ZNG1A: variants seen among roughly 807,000 people sequenced by gnomAD.
ZNG1A encodes the protein Zn regulated GTPase metalloprotein activator 1A.
At chr9:158,534 T>TG in the ZNG1A span, among the ~76,000 whole-genome samples, 2 of 150,226 alleles carry the variant, frequency 1.3e-5, 1 homozygote, top group African/African-American at 5.0e-5. Context: ...ATTACAGATT[T>TG]ATTTTTGCAT....
At chr9:147,951 G>T in the ZNG1A span, 1 of 151,598 alleles carries the variant, frequency 6.6e-6, no homozygotes, top group South Asian at 2.1e-4. Flanking sequence ...CCTGAACCCA[G>T]GAGGCAGAGG....
chr9:125,097 G>A, the ZNG1A span, among the ~76,000 whole-genome samples: 2,563 of 152,204 alleles, frequency 0.017, 53 homozygotes, highest in African/African-American at 0.058. Context: ...TGGACCAAAT[G>A]GTAGTTCTAC....
the ZNG1A span, among the ~76,000 whole-genome samples, chr9:128,511 T>A: frequency 6.7e-6 from 1 of 148,956 alleles, no homozygotes; most frequent in Non-Finnish European, 1.5e-5. Context: ...TATAAGTATG[T>A]CCATTATTTC....
chr9:161,683 G>T, the ZNG1A span: 1 of 1,101,936 alleles, frequency 9.1e-7, no homozygotes, highest in Non-Finnish European at 1.2e-6. Context: ...TCATTTTACT[G>T]TATGTAACAA....
the ZNG1A span, among the ~76,000 whole-genome samples, chr9:158,347 G>C: frequency 7.2e-5 from 11 of 151,948 alleles, no homozygotes; most frequent in African/African-American, 2.2e-4. Flanking sequence ...ACTTAACAAT[G>C]ATATATTTTT....
chr9:140,356 C>T, the ZNG1A span, among the ~76,000 whole-genome samples: 13 of 151,438 alleles, frequency 8.6e-5, no homozygotes, highest in Non-Finnish European at 1.6e-4. Flanking sequence ...TCCCTGACCC[C>T]TGACCCCCGA....
chr9:178,837 T>C, the ZNG1A span: 3 of 1,143,900 alleles, frequency 2.6e-6, 1 homozygote, highest in Non-Finnish European at 3.8e-6. Context: ...GTGATAATTG[T>C]GACTGGGATC....
chr9:176,037 C>T, the ZNG1A span, among the ~76,000 whole-genome samples: 1 of 149,788 alleles, frequency 6.7e-6, no homozygotes, highest in Non-Finnish European at 1.5e-5. Context: ...CCTAGCCTAA[C>T]CTTCCCTAAA....
chr9:142,066 G>C, the ZNG1A span, among the ~76,000 whole-genome samples: 1 of 143,970 alleles, frequency 6.9e-6, no homozygotes, highest in Non-Finnish European at 1.5e-5. Flanking sequence ...CCTACAAAGA[G>C]ACTTAGACTC....
the ZNG1A span, chr9:146,399 A>G: frequency 1.1e-5 from 4 of 368,742 alleles, no homozygotes; most frequent in East Asian, 4.6e-5. Context: ...GAGCTTTTCA[A>G]ATACATTTTT....
chr9:155,668 C>T, the ZNG1A span, among the ~76,000 whole-genome samples: 1 of 152,128 alleles, frequency 6.6e-6, no homozygotes. Flanking sequence ...CAACTAAATT[C>T]TCAAAACTAA....
the ZNG1A span, among the ~76,000 whole-genome samples, chr9:139,712 G>C: frequency 5.6e-3 from 849 of 151,730 alleles, 3 homozygotes; most frequent in Non-Finnish European, 9.1e-3. Flanking sequence ...CGTGAGAGAC[G>C]CAGAAGACAG....
At chr9:173,618 C>T in the ZNG1A span, among the ~76,000 whole-genome samples, 18 of 152,234 alleles carry the variant, frequency 1.2e-4, no homozygotes, top group South Asian at 6.2e-4. Flanking sequence ...CCTCCTTAGG[C>T]CTCTTACTTG....
chr9:143,110 G>C, the ZNG1A span, among the ~76,000 whole-genome samples: 1 of 143,520 alleles, frequency 7.0e-6, no homozygotes, highest in Non-Finnish European at 1.5e-5. Flanking sequence ...AATTCTACCA[G>C]AGGTACAAGG....
the ZNG1A span, among the ~76,000 whole-genome samples, chr9:138,927 T>C: frequency 2.7e-5 from 4 of 148,000 alleles, no homozygotes; most frequent in Non-Finnish European, 5.9e-5. Flanking sequence ...AGAAAAGAAA[T>C]ATATATAGGA....
At chr9:129,150 G>T in the ZNG1A span, among the ~76,000 whole-genome samples, 1 of 152,092 alleles carries the variant, frequency 6.6e-6, no homozygotes, top group Non-Finnish European at 1.5e-5. Context: ...TTTTGTACTG[G>T]TTGGCCTGCT....
the ZNG1A span, among the ~76,000 whole-genome samples, chr9:140,124 A>G: frequency 6.7e-6 from 1 of 148,560 alleles, no homozygotes; most frequent in East Asian, 1.9e-4. Context: ...TTAGGTAAAC[A>G]AAGCAGCCGG....
At chr9:154,624 T>G in the ZNG1A span, 1 of 999,956 alleles carries the variant, frequency 1.0e-6, no homozygotes, top group Non-Finnish European at 1.5e-6. Context: ...TACCTTAAGT[T>G]TCTACAGGGC....
chr9:125,172 G>A, the ZNG1A span, among the ~76,000 whole-genome samples: 3,691 of 151,970 alleles, frequency 0.024, 105 homozygotes, highest in African/African-American at 0.086. Flanking sequence ...ATTCCCACCA[G>A]CAGTGTAGAA....
Sources: allele counts gnomAD v4.1 joint callset (sites outside exome capture counted in the v4.1 genomes callset), GRCh38; gene constraint gnomAD v4.1.1; transcripts MANE v1.5; gene names NCBI Gene and HGNC (gene_info 2026-07-23, HGNC 2026-07-21).